The following MEGF10 variants were observed in gnomAD, a reference collection of about 807,000 sequenced individuals.
The protein encoded by MEGF10 is multiple EGF like domains 10.
MEGF10 carries 86 observed loss-of-function variants against 147.5 expected under a neutral mutation model. The ratio of observed to expected loss-of-function variants is 0.58; its 90% CI spans 0.49 to 0.70. The LOEUF is 0.70. Among genes scored for constraint, MEGF10 ranks in the 30% least tolerant of loss-of-function variants. The pLI is 0.00. For missense variants in MEGF10, 1,329 were observed against 1,487.3 expected (o/e 0.89, Z 1.75); for synonymous variants, 478 against 525.5 (o/e 0.91, Z 1.24).
intron 13 of MEGF10, among the ~76,000 whole-genome samples, chr5:127,428,838 C>T (rs1435520883): frequency 6.6e-6 from 1 of 152,220 alleles, no homozygotes; most frequent in Non-Finnish European, 1.5e-5. Flanking sequence ...TTACTGCATT[C>T]ATGCAATCAC....
At chr5:127,417,877 A>G (rs770129727) in intron 10 of MEGF10, 65 bp downstream of exon 10, 35 of 1,505,628 alleles carry the variant, frequency 2.3e-5, no homozygotes, top group Non-Finnish European at 3.1e-5. Flanking sequence ...CAATACCATG[A>G]TTTATATGAC....
chr5:127,270,706 C>T, the MEGF10 span, among the ~76,000 whole-genome samples: 1 of 152,144 alleles, frequency 6.6e-6, no homozygotes, highest in Non-Finnish European at 1.5e-5. Flanking sequence ...TCTTCCTGAT[C>T]CTCTTCCTCC....
chr5:127,337,535 A>G (rs1021004651), intron 2 of MEGF10, among the ~76,000 whole-genome samples: 3 of 152,084 alleles, frequency 2.0e-5, no homozygotes, highest in Non-Finnish European at 4.4e-5. Flanking sequence ...GCTTAATGTG[A>G]TATGTCATTC....
the MEGF10 span, among the ~76,000 whole-genome samples, chr5:127,272,401 G>C: frequency 2.0e-5 from 3 of 152,056 alleles, no homozygotes; most frequent in African/African-American, 7.2e-5. Context: ...AATTTCCTTG[G>C]CTACTCAGGC....
intron 22 of MEGF10, 70 bp from the exon 23 acceptor site, chr5:127,454,496 T>C (rs920201101): frequency 8.5e-6 from 12 of 1,410,408 alleles, no homozygotes; most frequent in Non-Finnish European, 1.1e-5. Flanking sequence ...TTCCAGGACC[T>C]TGGGATATTG....
At position 127,447,607 on chromosome 5, in the gene MEGF10, A is replaced by C. The variant is rs776782272; in HGVS notation, c.2779A>C (p.Asn927His). The C allele has an allele frequency of 6.2e-7, 1 of 1,614,110 alleles. No homozygotes were observed. The highest frequency in any genetic ancestry group is 1.1e-5 in the South Asian group (1 of 91,080). ...AAACGCTAATAGCCACTACTTCACCAATCCCAGTTACCACACGCTCACCCA... is the reference window on the plus strand; with the variant it reads ...AAACGCTAATAGCCACTACTTCACCCATCCCAGTTACCACACGCTCACCCA... ...GGNANSHYFTNPSYHTLTQCA... is the reference protein window; with the variant it reads ...GGNANSHYFTHPSYHTLTQCA... Residue 927 changes from asparagine to histidine, a missense_variant, in exon 21 of 25, where the codon AAT (asparagine) becomes CAT (histidine). Physicochemically the swap from Asn to His is moderately conservative, Grantham distance 68. This residue lies in a region of MEGF10 where 343 missense variants were observed against 377.9 expected (regional missense o/e 0.91). Transcript: ENST00000503335.
At chr5:127,245,740 G>A in the MEGF10 span, among the ~76,000 whole-genome samples, 4 of 151,894 alleles carry the variant, frequency 2.6e-5, no homozygotes, top group African/African-American at 9.7e-5. Flanking sequence ...AGAATCTATA[G>A]GGAACTTAAA....
intron 5 of MEGF10, among the ~76,000 whole-genome samples, chr5:127,370,741 C>G (rs577125093): frequency 6.6e-6 from 1 of 152,238 alleles, no homozygotes; most frequent in East Asian, 1.9e-4. Context: ...CAGTTTAAAC[C>G]AAAATCTTCT....
intron 5 of MEGF10, among the ~76,000 whole-genome samples, chr5:127,389,482 G>A (rs1763561688): frequency 6.6e-6 from 1 of 152,160 alleles, no homozygotes. Context: ...AATGTTCATT[G>A]CAGCCCTGTT....
At position 127,330,154 on chromosome 5, in the gene MEGF10, G is replaced by A. The variant is rs140144087; in HGVS notation, c.-18-1137G>A. ...CCATGTTCAATAGACAAGTCCTGTC[G>A]ATTCCGCATCCTAAAAATCTCCCAG... On this transcript the variant is annotated intron_variant, in intron 1 of 24. Coordinates refer to ENST00000503335, the MANE Select transcript of MEGF10 (RefSeq NM_001256545.2). Among the ~76,000 whole-genome samples the A allele has an allele frequency of 1.4e-3, 209 of 152,090 alleles. 1 individual carries two copies. Among genetic ancestry groups the A allele is most frequent in the Admixed American group, 3.7e-3 (56 of 15,260 alleles).
intron 1 of MEGF10, among the ~76,000 whole-genome samples, chr5:127,330,971 G>A (rs1445027329): frequency 6.6e-6 from 1 of 152,186 alleles, no homozygotes; most frequent in Non-Finnish European, 1.5e-5. Context: ...AGAGAATGTG[G>A]AGGCTTGTGT....
At chr5:127,261,729 G>T in the MEGF10 span, among the ~76,000 whole-genome samples, 1 of 152,018 alleles carries the variant, frequency 6.6e-6, no homozygotes, top group South Asian at 2.1e-4. Context: ...AATATATGAA[G>T]GTTCCAATTT....
Position 127,458,663 on chromosome 5 carries a change from G to A in MEGF10, c.*1345G>A, listed in dbSNP as rs979147038. ...AATAGTATAGTAACCACAAGTGATTGGCTTATAAATGAAGTAGAAATGCTT... is the reference window on the plus strand; with the variant it reads ...AATAGTATAGTAACCACAAGTGATTAGCTTATAAATGAAGTAGAAATGCTT... On this transcript the variant is annotated 3_prime_UTR_variant, in exon 25 of 25. Transcript: ENST00000503335. 6.6e-6 allele frequency: 1 copy of A among 152,062 alleles called. No individual in the cohort carries two copies. The highest frequency in any genetic ancestry group is 1.5e-5 in the Non-Finnish European group (1 of 68,016). 9.4% of individuals were successfully genotyped at this position (152,062 alleles called of 1,614,324 possible).
At chr5:127,357,292 A>G (rs1355118015) in intron 4 of MEGF10, among the ~76,000 whole-genome samples, 2 of 152,194 alleles carry the variant, frequency 1.3e-5, no homozygotes, top group Non-Finnish European at 2.9e-5. Flanking sequence ...GAGGTATTTT[A>G]TGACAAACAG....
intron 4 of MEGF10, among the ~76,000 whole-genome samples, chr5:127,356,102 G>T (rs1762273151): frequency 6.6e-6 from 1 of 152,204 alleles, no homozygotes; most frequent in Admixed American, 6.5e-5. Context: ...TCAGGGCAAA[G>T]TAATTTAAAA....
chr5:127,358,509 A>G (rs1224788500), intron 4 of MEGF10, among the ~76,000 whole-genome samples: 2 of 117,426 alleles, frequency 1.7e-5, no homozygotes, highest in East Asian at 4.9e-4. Context: ...AAAAGAATTT[A>G]TGGCTCCATA....
chr5:127,237,941 G>A, the MEGF10 span, among the ~76,000 whole-genome samples: 1 of 151,600 alleles, frequency 6.6e-6, no homozygotes, highest in Non-Finnish European at 1.5e-5. Flanking sequence ...TTTACCCTAT[G>A]TAGTTCTCAT....
chr5:127,333,248 G>A (rs933191250), intron 2 of MEGF10, among the ~76,000 whole-genome samples: 1 of 152,170 alleles, frequency 6.6e-6, no homozygotes, highest in African/African-American at 2.4e-5. Flanking sequence ...GGGTGCGGTG[G>A]CTCAAGCCTG....
At chr5:127,302,607 T>A (rs1048862307) in intron 1 of MEGF10, among the ~76,000 whole-genome samples, 1 of 152,200 alleles carries the variant, frequency 6.6e-6, no homozygotes, top group Non-Finnish European at 1.5e-5. Context: ...GCAAATTTTT[T>A]AAAGGTTAAA....
Sources: allele counts gnomAD v4.1 joint callset (sites outside exome capture counted in the v4.1 genomes callset), GRCh38; gene constraint gnomAD v4.1.1; regional missense constraint gnomAD v4.1.1; transcripts MANE v1.5; gene names NCBI Gene and HGNC (gene_info 2026-07-23, HGNC 2026-07-21).